Variants in SNRK observed in about 807,000 individuals in gnomAD.
SNRK encodes SNF-related serine/threonine-protein kinase.
In SNRK, 3 loss-of-function variants were observed where a neutral mutation model predicts 48.2. That is an observed-to-expected ratio of 0.06 (90% confidence interval 0.03 to 0.16). SNRK has a LOEUF of 0.16. Ranked by LOEUF, SNRK falls within the 10% of genes least tolerant of loss-of-function variation. The pLI is 1.00. For synonymous variants in SNRK, 376 were observed against 366.1 expected (o/e 1.03, Z -0.31); for missense variants, 627 against 976.0 (o/e 0.64, Z 4.76).
At chr3:43,321,650 G>C (rs2091054546) in intron 3 of SNRK, among the ~76,000 whole-genome samples, 3 of 152,296 alleles carry the variant, frequency 2.0e-5, no homozygotes, top group South Asian at 4.1e-4. Context: ...TGCCCTGACT[G>C]ATAGCAGCAA....
At position 43,303,004 on chromosome 3, in the gene SNRK, C is replaced by T; in HGVS notation, c.-106-94C>T. The T allele has an allele frequency of 2.2e-6, 1 of 450,938 alleles. No individual in the cohort carries two copies. The highest frequency in any genetic ancestry group is 3.3e-5 in the East Asian group (1 of 30,206). The allele number at this position is 450,938 out of a possible 1,614,324, so 27.9% of individuals were successfully genotyped here. On this transcript the variant is annotated intron_variant, in intron 2 of 6. Transcript: ENST00000296088. The surrounding 1 kb of genome is among the most constrained non-coding windows in gnomAD (Gnocchi z 6.2). ...ATCTCAATTTATTTTCTTCAAGTTTCTCTTAAAATGAAAAAAACAAAAAAT... is the reference window on the plus strand; with the variant it reads ...ATCTCAATTTATTTTCTTCAAGTTTTTCTTAAAATGAAAAAAACAAAAAAT...
intron 3 of SNRK, among the ~76,000 whole-genome samples, chr3:43,322,945 C>G (rs2091065535): frequency 5.4e-4 from 1 of 1,864 alleles, no homozygotes; most frequent in Non-Finnish European, 0.014. Flanking sequence ...GAGTAAGACT[C>G]CGTCTCAAAA....
chr3:43,293,677 G>C (rs1166604467), intron 1 of SNRK, among the ~76,000 whole-genome samples: 1 of 152,120 alleles, frequency 6.6e-6, no homozygotes, highest in African/African-American at 2.4e-5. Flanking sequence ...CACCTCGGGA[G>C]GCCAAGGCAG....
At chr3:43,309,094 C>G (rs926046524) in intron 3 of SNRK, among the ~76,000 whole-genome samples, 1 of 152,100 alleles carries the variant, frequency 6.6e-6, no homozygotes, top group Non-Finnish European at 1.5e-5. Context: ...TTGCTGCAGT[C>G]TCTTGATAAA....
At chr3:43,342,969 C>T (rs1241876571) in intron 5 of SNRK, among the ~76,000 whole-genome samples, 1 of 152,214 alleles carries the variant, frequency 6.6e-6, no homozygotes, top group African/African-American at 2.4e-5. Flanking sequence ...TCTTCATGTA[C>T]TTCTAGTGGA....
intron 4 of SNRK, 26 bp downstream of exon 4, chr3:43,332,336 C>T (rs777783160): frequency 3.0e-6 from 4 of 1,354,552 alleles, no homozygotes; most frequent in Admixed American, 5.8e-5. Flanking sequence ...TATGTGGAAA[C>T]CTTAAGGACT....
At chr3:43,329,521 G>T (rs541173716) in intron 3 of SNRK, among the ~76,000 whole-genome samples, 33 of 151,926 alleles carry the variant, frequency 2.2e-4, no homozygotes, top group Non-Finnish European at 4.0e-4. Flanking sequence ...AGAGTCATTT[G>T]CCCTCTCTGA....
intron 5 of SNRK, chr3:43,343,120 A>G (rs1409374235): frequency 2.1e-6 from 1 of 484,388 alleles, no homozygotes; most frequent in Non-Finnish European, 3.4e-6. Flanking sequence ...CTCATTTACG[A>G]AAAATCTTCA....
chr3:43,310,743 G>A (rs1260101229), intron 3 of SNRK, among the ~76,000 whole-genome samples: 1 of 152,146 alleles, frequency 6.6e-6, no homozygotes, highest in Non-Finnish European at 1.5e-5. Flanking sequence ...TGCTTTTAAA[G>A]TTGTTGGTGA....
intron 3 of SNRK, among the ~76,000 whole-genome samples, chr3:43,317,088 G>A (rs765435146): frequency 6.6e-6 from 1 of 152,102 alleles, no homozygotes; most frequent in Non-Finnish European, 1.5e-5. Context: ...TGACAAAAGT[G>A]CACAATTGAT....
At chr3:43,313,201 A>G (rs183301504) in intron 3 of SNRK, among the ~76,000 whole-genome samples, 80 of 152,302 alleles carry the variant, frequency 5.3e-4, no homozygotes, top group Middle Eastern at 3.4e-3. Flanking sequence ...TAAATATGCA[A>G]TTGCACTCCT....
chr3:43,332,345 C>T (rs749365356), intron 4 of SNRK, 35 bp downstream of exon 4: 1 of 1,334,248 alleles, frequency 7.5e-7, no homozygotes, highest in Non-Finnish European at 9.7e-7. Context: ...ACCTTAAGGA[C>T]TCAGATTAAA....
chr3:43,332,975 C>T (rs1342942996), intron 4 of SNRK: 1 of 152,112 alleles, frequency 6.6e-6, no homozygotes, highest in Non-Finnish European at 1.5e-5. Flanking sequence ...TTAATGAGCT[C>T]AGCTGAGATT....
chr3:43,318,356 TAA>T (rs57684209), intron 3 of SNRK, among the ~76,000 whole-genome samples: 2 of 151,160 alleles, frequency 1.3e-5, no homozygotes, highest in South Asian at 2.1e-4. Context: ...AAATGTTAGA[TAA>T]AAAAAAATGA....
Position 43,348,654 on chromosome 3 carries a change from C to A in SNRK, c.*97C>A. The A allele has an allele frequency of 8.0e-7, 1 of 1,250,260 alleles. No homozygotes were observed. Among genetic ancestry groups the A allele is most frequent in the South Asian group, 2.1e-5 (1 of 47,096 alleles). The allele number at this position is 1,250,260 out of a possible 1,614,324, so 77.4% of individuals were successfully genotyped here. Reference sequence around the variant, plus strand: ...TTTGGTTTTACTATTTTAAAGTGGGCGTTAGGAGCAATTATTTATTACCTT... The same window carrying A: ...TTTGGTTTTACTATTTTAAAGTGGGAGTTAGGAGCAATTATTTATTACCTT... On this transcript the variant is annotated 3_prime_UTR_variant, in exon 7 of 7. Coordinates refer to ENST00000296088, the MANE Select transcript of SNRK (RefSeq NM_017719.5).
At chr3:43,307,590 T>C (rs2090947422) in intron 3 of SNRK, among the ~76,000 whole-genome samples, 3 of 152,230 alleles carry the variant, frequency 2.0e-5, no homozygotes, top group African/African-American at 7.2e-5. Flanking sequence ...TTGTAGTTGT[T>C]TTGGGGTGCC....
chr3:43,328,065 G>C (rs923715327), intron 3 of SNRK, among the ~76,000 whole-genome samples: 1 of 151,564 alleles, frequency 6.6e-6, no homozygotes, highest in African/African-American at 2.4e-5. Flanking sequence ...ATACACTTCA[G>C]ATAGTTGTAT....
chr3:43,309,446 T>C (rs1191631700), intron 3 of SNRK, among the ~76,000 whole-genome samples: 1 of 152,114 alleles, frequency 6.6e-6, no homozygotes, highest in Non-Finnish European at 1.5e-5. Flanking sequence ...AATCAAATGA[T>C]GCAGCAAACT....
intron 1 of SNRK, among the ~76,000 whole-genome samples, chr3:43,287,021 CG>C (rs1182872866): frequency 6.7e-6 from 1 of 149,472 alleles, no homozygotes; most frequent in African/African-American, 2.4e-5. Context: ...CCCGCATCCC[CG>C]CGCCCCGCCC....
Sources: allele counts gnomAD v4.1 joint callset (sites outside exome capture counted in the v4.1 genomes callset), GRCh38; gene constraint gnomAD v4.1.1; non-coding constraint Gnocchi (gnomAD v3.1); transcripts MANE v1.5; gene names NCBI Gene and HGNC (gene_info 2026-07-23, HGNC 2026-07-21).